Variants in SLC22A4 observed in about 807,000 individuals in gnomAD.
The protein encoded by SLC22A4 is ET transporter.
In SLC22A4, 39 loss-of-function variants were observed where a neutral mutation model predicts 56.6. That is an observed-to-expected ratio of 0.69 (90% confidence interval 0.53 to 0.90). The LOEUF is 0.90. SLC22A4 is among the 40% of genes least tolerant of loss of function. SLC22A4 has a pLI of 0.00. For synonymous variants in SLC22A4, 241 were observed against 281.4 expected (o/e 0.86, Z 1.44); for missense variants, 594 against 696.5 (o/e 0.85, Z 1.66).
chr5:132,326,469 A>G (rs780271349), intron 4 of SLC22A4, among the ~76,000 whole-genome samples: 1 of 152,250 alleles, frequency 6.6e-6, no homozygotes, highest in South Asian at 2.1e-4. Context: ...TAGAAAAATC[A>G]TAAGTCGAAC....
chr5:132,305,608 G>A (rs1750008667), intron 1 of SLC22A4, among the ~76,000 whole-genome samples: 1 of 152,186 alleles, frequency 6.6e-6, no homozygotes. Flanking sequence ...CTTCTCATTA[G>A]AAACCATAAA....
rs539323203 is a variant in SLC22A4, at chr5:132,319,179, G to A, written c.653-3005G>A. Among the ~76,000 whole-genome samples the A allele has an allele frequency of 3.3e-5, 5 of 152,126 alleles. No individual in the cohort carries two copies. The East Asian group carries it at 7.7e-4, about 24-fold the overall frequency. ...TAGCCGGGCATGGTGGCAAGCGCCT[G>A]TAGTCCTAGCTACTTGGGAGGCTGA... On this transcript the variant is annotated intron_variant, in intron 3 of 9. Transcript: ENST00000200652.
intron 1 of SLC22A4, among the ~76,000 whole-genome samples, chr5:132,300,497 G>T (rs998328337): frequency 1.3e-5 from 2 of 152,090 alleles, no homozygotes; most frequent in African/African-American, 4.8e-5. Context: ...TTATTAATTG[G>T]AATTCTTCTG....
chr5:132,310,130 T>C (rs914234572), intron 1 of SLC22A4, among the ~76,000 whole-genome samples: 1 of 152,230 alleles, frequency 6.6e-6, no homozygotes, highest in Non-Finnish European at 1.5e-5. Flanking sequence ...AATAAGCTCA[T>C]TTTGTCCTGC....
At chr5:132,342,929 T>G (rs1378399848) in intron 9 of SLC22A4, among the ~76,000 whole-genome samples, 1 of 152,244 alleles carries the variant, frequency 6.6e-6, no homozygotes, top group Admixed American at 6.5e-5. Context: ...TGATGGATTA[T>G]TAAGTCTATC....
intron 1 of SLC22A4, chr5:132,311,691 A>T (rs895760328): frequency 5.2e-6 from 1 of 193,638 alleles, no homozygotes; most frequent in Non-Finnish European, 1.1e-5. Flanking sequence ...AACCACTTGC[A>T]CTTTTCAACA....
chr5:132,343,013 C>G (rs1751268506), intron 9 of SLC22A4, among the ~76,000 whole-genome samples: 1 of 152,260 alleles, frequency 6.6e-6, no homozygotes, highest in African/African-American at 2.4e-5. Flanking sequence ...CAGCCCCCAC[C>G]CTGAAGCTAT....
chr5:132,315,180 C>T (rs1169871325), intron 3 of SLC22A4, among the ~76,000 whole-genome samples: 3 of 152,162 alleles, frequency 2.0e-5, no homozygotes, highest in East Asian at 1.9e-4. Context: ...TTCCATGTGA[C>T]GATCCTCCCT....
intron 8 of SLC22A4, among the ~76,000 whole-genome samples, chr5:132,337,209 T>C (rs1260622345): frequency 1.3e-5 from 2 of 151,624 alleles, no homozygotes; most frequent in African/African-American, 4.8e-5. Flanking sequence ...GTGCCAATTA[T>C]AATCTAATTA....
rs4551060 is a variant in SLC22A4, at chr5:132,339,031, G to T, written c.1445-1534G>T. ...TTCAGAGATTGCAGTAAAGACAGGC[G>T]TAAGAAATTATAAAAGTATTAATTT... On this transcript the variant is annotated intron_variant, in intron 8 of 9. Coordinates refer to ENST00000200652, the MANE Select transcript of SLC22A4 (RefSeq NM_003059.3). Among the ~76,000 whole-genome samples the T allele has an allele frequency of 2.2e-3, 342 of 152,200 alleles. 2 individuals are homozygous for T. Among genetic ancestry groups the T allele is most frequent in the African/African-American group, 7.8e-3 (325 of 41,544 alleles).
chr5:132,343,897 C>T lies in SLC22A4; in HGVS notation c.*62C>T. ...AAAAATAAGACCCTGTGGAGAAATT[C>T]GTTGTTCCCACTGAAATGGACTGAC... is the stretch of plus-strand genomic sequence containing the variant. On this transcript the variant is annotated 3_prime_UTR_variant, in exon 10 of 10. Transcript: ENST00000200652. 2.0e-5 allele frequency: 21 copies of T among 1,073,198 alleles called. No homozygotes were observed. Among genetic ancestry groups the T allele is most frequent in the South Asian group, 4.0e-5 (3 of 74,700 alleles). 66.5% of individuals were successfully genotyped at this position (1,073,198 alleles called of 1,614,324 possible).
chr5:132,303,734 A>T (rs2126702573), intron 1 of SLC22A4, among the ~76,000 whole-genome samples: 1 of 152,314 alleles, frequency 6.6e-6, no homozygotes, highest in Admixed American at 6.5e-5. Context: ...GATTGCCCTT[A>T]TCCCAGCTCA....
intron 1 of SLC22A4, among the ~76,000 whole-genome samples, chr5:132,298,235 A>T (rs1168452169): frequency 1.3e-5 from 2 of 152,270 alleles, no homozygotes; most frequent in African/African-American, 4.8e-5. Flanking sequence ...AAAGCAACCC[A>T]AGTGTCCTTC....
intron 8 of SLC22A4, 42 bp downstream of exon 8, chr5:132,336,042 T>TC: frequency 6.3e-7 from 1 of 1,582,684 alleles, no homozygotes; most frequent in Non-Finnish European, 8.7e-7. Flanking sequence ...TTAAATTAGT[T>TC]TTCAATGTAA....
intron 6 of SLC22A4, among the ~76,000 whole-genome samples, chr5:132,332,544 T>A (rs1446307045): frequency 1.3e-5 from 2 of 152,152 alleles, no homozygotes; most frequent in Non-Finnish European, 2.9e-5. Flanking sequence ...AATTGAACAC[T>A]GAGGCTAGAA....
chr5:132,299,418 T>A (rs1353783547), intron 1 of SLC22A4, among the ~76,000 whole-genome samples: 2 of 151,584 alleles, frequency 1.3e-5, no homozygotes, highest in Admixed American at 6.6e-5. Context: ...TATTTTATTT[T>A]ATTTTATTTT....
chr5:132,301,663 A>T (rs1749911010), intron 1 of SLC22A4, among the ~76,000 whole-genome samples: 1 of 152,230 alleles, frequency 6.6e-6, no homozygotes, highest in Admixed American at 6.5e-5. Flanking sequence ...TCTGGGAGGC[A>T]CTGAGAGCAG....
chr5:132,300,558 A>T (rs1749886283), intron 1 of SLC22A4, among the ~76,000 whole-genome samples: 1 of 152,238 alleles, frequency 6.6e-6, no homozygotes, highest in South Asian at 2.1e-4. Flanking sequence ...GCAATTGTTA[A>T]CTTATATCAG....
chr5:132,306,206 T>G (rs2126704581), intron 1 of SLC22A4, among the ~76,000 whole-genome samples: 1 of 151,680 alleles, frequency 6.6e-6, no homozygotes, highest in South Asian at 2.1e-4. Flanking sequence ...ACTTACCGTA[T>G]GACCCAACAA....
Sources: gnomAD v4.1 joint callset for allele counts (sites outside exome capture counted in the v4.1 genomes callset) on GRCh38, gnomAD v4.1.1 for gene constraint, MANE v1.5 for transcripts, NCBI Gene and HGNC (gene_info 2026-07-23, HGNC 2026-07-21) for gene names.